The following GSE1 variants were observed in gnomAD, a reference collection of about 807,000 sequenced individuals.
GSE1 encodes the protein Gse1 coiled-coil protein.
In GSE1, 32 loss-of-function variants were observed where a neutral mutation model predicts 112.6. The observed-to-expected ratio is 0.28, with a 90% CI of 0.21 to 0.38. The LOEUF (loss-of-function observed/expected upper bound fraction) is 0.38. Ranked by LOEUF, GSE1 falls within the 10% of genes least tolerant of loss-of-function variation. The pLI, the probability that GSE1 is intolerant of heterozygous loss-of-function variation, is 1.00. For synonymous variants in GSE1, 1,115 were observed against 735.6 expected (o/e 1.52, Z -8.35); for missense variants, 2,348 against 1,699.2 (o/e 1.38, Z -6.71).
chr16:85,250,019 G>C (rs1000756205), intron 1 of GSE1, among the ~76,000 whole-genome samples: 4 of 152,226 alleles, frequency 2.6e-5, no homozygotes, highest in Admixed American at 6.5e-5. Context: ...GGGTCCTCTG[G>C]GGTGAGGGCA....
intron 3 of GSE1, 29 bp downstream of exon 3, chr16:85,648,780 G>A (rs377472966): frequency 1.3e-5 from 17 of 1,351,598 alleles, no homozygotes; most frequent in South Asian, 2.7e-5. Context: ...GGAGCCTAGC[G>A]TCCTCTAAGT....
At chr16:85,507,673 A>T (rs917488419) in intron 2 of GSE1, among the ~76,000 whole-genome samples, 1 of 152,012 alleles carries the variant, frequency 6.6e-6, no homozygotes, top group African/African-American at 2.4e-5. Context: ...TCTTCTTCTT[A>T]TGGGGACACC....
At chr16:85,181,709 T>G (rs2074588689) in intron 1 of GSE1, among the ~76,000 whole-genome samples, 1 of 152,160 alleles carries the variant, frequency 6.6e-6, no homozygotes, top group Admixed American at 6.5e-5. Flanking sequence ...GGGCGGCAGC[T>G]GAAAAGTGGC....
chr16:85,497,970 G>A (rs577187062), intron 2 of GSE1, among the ~76,000 whole-genome samples: 2 of 152,206 alleles, frequency 1.3e-5, no homozygotes, highest in African/African-American at 4.8e-5. Context: ...GCTGGGAGGT[G>A]GGGGAGCGGG....
chr16:85,465,458 A>G (rs2050097427), intron 2 of GSE1, among the ~76,000 whole-genome samples: 1 of 152,222 alleles, frequency 6.6e-6, no homozygotes, highest in Admixed American at 6.5e-5. Flanking sequence ...ACATTCTCCC[A>G]TTCGTTCCAT....
At chr16:85,254,330 A>G in intron 1 of GSE1, among the ~76,000 whole-genome samples, 1 of 152,162 alleles carries the variant, frequency 6.6e-6, no homozygotes, top group East Asian at 1.9e-4. Flanking sequence ...CCCTCAGCCC[A>G]GGTGCCTGCA....
At chr16:85,469,543 A>T (rs1013623771) in intron 2 of GSE1, among the ~76,000 whole-genome samples, 1 of 152,212 alleles carries the variant, frequency 6.6e-6, no homozygotes, top group South Asian at 2.1e-4. Context: ...TTAAGGCAAT[A>T]CTAGGACACG....
At chr16:85,214,918 C>T (rs973839875) in intron 1 of GSE1, among the ~76,000 whole-genome samples, 1 of 152,214 alleles carries the variant, frequency 6.6e-6, no homozygotes, top group South Asian at 2.1e-4. Flanking sequence ...GGGCTGGCCC[C>T]TTCCCTCCCC....
intron 1 of GSE1, among the ~76,000 whole-genome samples, chr16:85,175,766 G>A (rs1338769440): frequency 6.6e-6 from 1 of 152,216 alleles, no homozygotes; most frequent in Non-Finnish European, 1.5e-5. Context: ...CCACCCTCCA[G>A]GAGGCGTGCA....
intron 1 of GSE1, among the ~76,000 whole-genome samples, chr16:85,189,815 A>G (rs1228528936): frequency 6.6e-6 from 1 of 152,158 alleles, no homozygotes; most frequent in Non-Finnish European, 1.5e-5. Flanking sequence ...CTTTGTTCTT[A>G]ATATTTCTTT....
upstream of GSE1, among the ~76,000 whole-genome samples, chr16:85,608,184 G>C (rs1219441830): frequency 6.6e-6 from 1 of 152,214 alleles, no homozygotes; most frequent in Non-Finnish European, 1.5e-5. Flanking sequence ...AGAAAGAGGA[G>C]GGTGGAATCT....
At chr16:85,554,183 A>G (rs922774050), upstream of GSE1, among the ~76,000 whole-genome samples, 1 of 151,994 alleles carries the variant, frequency 6.6e-6, no homozygotes, top group Non-Finnish European at 1.5e-5. Flanking sequence ...ACGTGGGTAA[A>G]TGGATCCTGT....
At chr16:85,302,393 CTT>C (rs1462900602) in intron 1 of GSE1, among the ~76,000 whole-genome samples, 1 of 151,988 alleles carries the variant, frequency 6.6e-6, no homozygotes, top group Non-Finnish European at 1.5e-5. Context: ...TAATGAATCT[CTT>C]GTCGGCCCAG....
At chr16:85,608,240 G>GGGGCTGA (rs1439386506), upstream of GSE1, among the ~76,000 whole-genome samples, 1 of 152,178 alleles carries the variant, frequency 6.6e-6, no homozygotes, top group Non-Finnish European at 1.5e-5. Flanking sequence ...GGCAGGGCTG[G>GGGGCTGA]GGGCTGAGGG....
At chr16:85,351,827 T>C (rs529145401) in intron 1 of GSE1, among the ~76,000 whole-genome samples, 37 of 152,154 alleles carry the variant, frequency 2.4e-4, no homozygotes, top group African/African-American at 8.2e-4. Context: ...CCGTCTTTGC[T>C]AAAAATACAA....
At chr16:85,643,787 C>T (rs999835349) in intron 2 of GSE1, among the ~76,000 whole-genome samples, 4 of 152,176 alleles carry the variant, frequency 2.6e-5, no homozygotes, top group South Asian at 2.1e-4. Context: ...CCCCACTGTC[C>T]GGTCCCCAGG....
At chr16:85,653,128 T>G (rs1414701611) in intron 3 of GSE1, among the ~76,000 whole-genome samples, 1 of 139,300 alleles carries the variant, frequency 7.2e-6, no homozygotes, top group Non-Finnish European at 1.5e-5. Flanking sequence ...ACGCCTGGGT[T>G]GGCAGCCATC....
chr16:85,362,153 T>C (rs532787279), intron 2 of GSE1, among the ~76,000 whole-genome samples: 1 of 152,198 alleles, frequency 6.6e-6, no homozygotes, highest in Non-Finnish European at 1.5e-5. Flanking sequence ...CCAAACGGAC[T>C]GACCAGGCAT....
intron 1 of GSE1, among the ~76,000 whole-genome samples, chr16:85,300,070 G>A (rs2045477938): frequency 6.6e-6 from 1 of 151,334 alleles, no homozygotes; most frequent in African/African-American, 2.4e-5. Flanking sequence ...GGAGTGCAAT[G>A]GCACCATCTC....
Sources: allele counts gnomAD v4.1 joint callset (sites outside exome capture counted in the v4.1 genomes callset), GRCh38; gene constraint gnomAD v4.1.1; transcripts MANE v1.5; gene names NCBI Gene and HGNC (gene_info 2026-07-23, HGNC 2026-07-21).